PRMT9: variants seen among roughly 807,000 people sequenced by gnomAD.
PRMT9 encodes protein arginine N-methyltransferase 9.
PRMT9 carries 59 observed loss-of-function variants against 83.2 expected under a neutral mutation model. The ratio of observed to expected loss-of-function variants is 0.71; its 90% CI spans 0.57 to 0.88. PRMT9 has a LOEUF of 0.88. PRMT9 is among the 40% of genes least tolerant of loss of function. The probability of loss-of-function intolerance (pLI) is 0.00; values close to 1 mark genes in which losing one functional copy is unlikely to be tolerated. For synonymous variants in PRMT9, 333 were observed against 353.2 expected (o/e 0.94, Z 0.64); for missense variants, 947 against 1,021.9 (o/e 0.93, Z 1.00).
intron 1 of PRMT9, among the ~76,000 whole-genome samples, chr4:147,682,829 C>A (rs746843769): frequency 2.0e-5 from 3 of 152,128 alleles, no homozygotes; most frequent in Admixed American, 6.6e-5. Context: ...ACATGAACTA[C>A]AAACATCTAG....
chr4:147,657,977 T>C lies in PRMT9; in HGVS notation c.1147-2A>G, dbSNP rs369329518. 1.3e-6 allele frequency: 2 copies of C among 1,581,116 alleles called. No individual in the cohort carries two copies. Among genetic ancestry groups the C allele is most frequent in the Non-Finnish European group, 1.7e-6 (2 of 1,153,548 alleles). ...TTTAGTTGCAAGACTTTTTAATTCC[T>C]GAGAAAAATGTAGAAGGAATGAAAC... On this transcript the variant is annotated splice_acceptor_variant, in intron 7 of 11. Coordinates refer to ENST00000322396, the MANE Select transcript of PRMT9 (RefSeq NM_138364.4). LOFTEE classifies it high-confidence loss of function.
In PRMT9 at chr4:147,638,714, T is replaced by C. The variant is rs1348894685; in HGVS notation, c.2356A>G (p.Ile786Val). 10 of 1,613,222 alleles carry C rather than the reference T, an allele frequency of 6.2e-6. No homozygotes were observed. Among genetic ancestry groups the C allele is most frequent in the Non-Finnish European group, 8.5e-6 (10 of 1,179,464 alleles). ...AGGTACATATGATACCAAAATGGAA[T>C]AGCAGTCAGTCTTCCAGATTTACAA... ...YVCKSGRLTA[I>V]PFWYHMYLDE... Residue 786 changes from isoleucine to valine, a missense_variant, in exon 12 of 12, where the codon ATT becomes GTT. Coordinates refer to ENST00000322396, the MANE Select transcript of PRMT9 (RefSeq NM_138364.4).
rs1733174455 is a variant in PRMT9 at position 147,638,727 on chromosome 4, TC to T, written c.2342del (p.Gly781GlufsTer3). 1.2e-6 allele frequency: 2 copies of T among 1,612,348 alleles called. No individual in the cohort carries two copies. Among genetic ancestry groups the T allele is most frequent in the Non-Finnish European group, 1.7e-6 (2 of 1,178,804 alleles). ...REVKVYVCKS[G>X]RLTAIPFWYH... The stretch of plus-strand genomic sequence containing the variant: ...ACCAAAATGGAATAGCAGTCAGTCT[TC>T]CAGATTTACAAACGTATACCTATGA... On this transcript the variant is annotated frameshift_variant, in exon 12 of 12. Coordinates refer to ENST00000322396, the MANE Select transcript of PRMT9 (RefSeq NM_138364.4). LOFTEE classifies it high-confidence loss of function.
At position 147,674,732 on chromosome 4, in the gene PRMT9, C is replaced by A. The variant is rs1178976381; in HGVS notation, c.339-858G>T. Among the ~76,000 whole-genome samples, 5 of 152,344 alleles carry A rather than the reference C, an allele frequency of 3.3e-5. No homozygotes were observed. In the East Asian group the frequency reaches 9.6e-4, roughly 29 times the overall value. On this transcript the variant is annotated intron_variant, in intron 2 of 11. Transcript: ENST00000322396. ...ATATCAGATTTCACCAGCACCCAAA[C>A]TGATCTATATACTCTCTTCTGCATT...
At position 147,668,393 on chromosome 4, in the gene PRMT9, C is replaced by T. The variant is rs1735489691; in HGVS notation, c.953+146G>A. 5 of 657,794 alleles carry T rather than the reference C, an allele frequency of 7.6e-6. No homozygotes were observed. The East Asian group carries it at 1.1e-4, about 14-fold the overall frequency. 40.7% of individuals were successfully genotyped at this position (657,794 alleles called of 1,614,324 possible). A position where few individuals can be genotyped will look rare whatever the true frequency, so the allele number is the denominator to read the frequency against. On this transcript the variant is annotated intron_variant, in intron 6 of 11. Transcript: ENST00000322396. The stretch of plus-strand genomic sequence containing the variant: ...CCTGCCTGCTGCCATATAAGACGTG[C>T]CTGCTTCCCCTTCTGCCATGTTTGT...
At chr4:147,668,690 A>C in intron 5 of PRMT9, 45 bp from the exon 6 acceptor site, 4 of 1,072,330 alleles carry the variant, frequency 3.7e-6, no homozygotes, top group Non-Finnish European at 5.8e-6. Context: ...ATGTATGTAA[A>C]AATGTGTGTG....
At chr4:147,654,602 G>A (rs777819680) in intron 8 of PRMT9, 36 bp from the exon 9 acceptor site, 3 of 1,327,964 alleles carry the variant, frequency 2.3e-6, no homozygotes, top group African/African-American at 1.4e-5. Context: ...AAAATATGGA[G>A]TACTTATAAG....
In PRMT9 at chr4:147,653,928, T is replaced by G. The variant is rs936394458; in HGVS notation, c.1969A>C (p.Ser657Arg). Residue 657 changes from serine (S) to arginine (R), a missense_variant, in exon 9 of 12, where the codon AGC (serine) becomes CGC (arginine). Coordinates refer to ENST00000322396, the MANE Select transcript of PRMT9 (RefSeq NM_138364.4). ...TCAATGACATCCAATATAATTATGC[T>G]CCATAACTTGTCTGATTTTGGCCTT... ...LQRPKSDKLW[S>R]IIILDVIEPS... 5 of 1,614,192 alleles carry G rather than the reference T, an allele frequency of 3.1e-6. No homozygotes were observed. The highest frequency in any genetic ancestry group is 4.2e-6 in the Non-Finnish European group (5 of 1,180,022).
intron 10 of PRMT9, among the ~76,000 whole-genome samples, chr4:147,640,153 A>G (rs1733301772): frequency 7.1e-6 from 1 of 140,738 alleles, no homozygotes; most frequent in East Asian, 2.1e-4. Flanking sequence ...GCTCACTGCA[A>G]CCTCCGCTTC....
At chr4:147,652,891 G>A (rs1734210335) in intron 9 of PRMT9, among the ~76,000 whole-genome samples, 1 of 151,944 alleles carries the variant, frequency 6.6e-6, no homozygotes, top group Non-Finnish European at 1.5e-5. Flanking sequence ...TGTTATTGCT[G>A]GAGAAAGAAT....
At chr4:147,651,821 G>A (rs775049127) in intron 9 of PRMT9, among the ~76,000 whole-genome samples, 7 of 152,186 alleles carry the variant, frequency 4.6e-5, no homozygotes, top group Non-Finnish European at 7.3e-5. Context: ...AGGACCCAGG[G>A]TGGGAGGGGA....
intron 5 of PRMT9, among the ~76,000 whole-genome samples, chr4:147,669,369 C>T (rs1735584097): frequency 6.6e-6 from 1 of 151,298 alleles, no homozygotes; most frequent in Non-Finnish European, 1.5e-5. Context: ...AGAGTGAGAC[C>T]CCATCTCAAA....
chr4:147,672,884 TA>T, intron 4 of PRMT9, 74 bp downstream of exon 4: 1 of 1,277,570 alleles, frequency 7.8e-7, no homozygotes, highest in South Asian at 1.2e-5. Flanking sequence ...TTGTTTGGAC[TA>T]AAAGCTAGAA....
At chr4:147,668,694 GT>G (rs1389736473) in intron 5 of PRMT9, 49 bp from the exon 6 acceptor site, 1 of 1,032,926 alleles carries the variant, frequency 9.7e-7, no homozygotes. Context: ...ATGTAAAAAT[GT>G]GTGTGCATAA....
chr4:147,680,537 T>A, intron 1 of PRMT9, 66 bp from the exon 2 acceptor site: 1 of 1,204,706 alleles, frequency 8.3e-7, no homozygotes, highest in Non-Finnish European at 1.2e-6. Flanking sequence ...TATACATCAT[T>A]AGTTGAAGAT....
chr4:147,649,454 A>G (rs1441538019), intron 9 of PRMT9, among the ~76,000 whole-genome samples: 1 of 152,202 alleles, frequency 6.6e-6, no homozygotes, highest in Non-Finnish European at 1.5e-5. Context: ...CAAACCTTCA[A>G]GCTTTCATCT....
At position 147,673,949 on chromosome 4, in the gene PRMT9, C is replaced by T. The variant is rs962222325; in HGVS notation, c.339-75G>A. On this transcript the variant is annotated intron_variant, in intron 2 of 11. Coordinates refer to ENST00000322396, the MANE Select transcript of PRMT9 (RefSeq NM_138364.4). ...AACTGCAGTACCTTTGTTTATGCCACTCACTTGGCCTGGGAATTCCATGCC... is the reference window on the plus strand; with the variant it reads ...AACTGCAGTACCTTTGTTTATGCCATTCACTTGGCCTGGGAATTCCATGCC... 10 of 1,200,942 alleles carry T rather than the reference C, an allele frequency of 8.3e-6. No homozygotes were observed. The African/African-American group carries it at 9.0e-5, about 11-fold the overall frequency. 74.4% of individuals were successfully genotyped at this position (1,200,942 alleles called of 1,614,324 possible).
chr4:147,665,915 T>A (rs1036542716), intron 6 of PRMT9, among the ~76,000 whole-genome samples: 1 of 152,226 alleles, frequency 6.6e-6, no homozygotes, highest in Non-Finnish European at 1.5e-5. Flanking sequence ...TGAACATCCT[T>A]GTACACACAT....
chr4:147,671,554 T>C (rs943103418), intron 4 of PRMT9, among the ~76,000 whole-genome samples: 5 of 152,244 alleles, frequency 3.3e-5, no homozygotes, highest in African/African-American at 4.8e-5. Flanking sequence ...TGTAAGTTCC[T>C]TGAGGGTAAG....
Sources: allele counts gnomAD v4.1 joint callset (sites outside exome capture counted in the v4.1 genomes callset), GRCh38; gene constraint gnomAD v4.1.1; transcripts MANE v1.5; gene names NCBI Gene and HGNC (gene_info 2026-07-23, HGNC 2026-07-21).